Variants in SIAH2 observed in about 807,000 individuals in gnomAD.
The protein encoded by SIAH2 is siah E3 ubiquitin protein ligase 2.
In SIAH2, 4 loss-of-function variants were observed where a neutral mutation model predicts 20.4. That is an observed-to-expected ratio of 0.20 (90% CI 0.10 to 0.45). SIAH2 has a LOEUF of 0.45. Ranked by LOEUF, SIAH2 falls within the 20% of genes least tolerant of loss-of-function variation. SIAH2 has a pLI of 0.99. For missense variants in SIAH2, 259 were observed against 440.3 expected (o/e 0.59, Z 3.69); for synonymous variants, 171 against 192.5 (o/e 0.89, Z 0.93).
At position 150,762,405 on chromosome 3, in the gene SIAH2, G is replaced by C; in HGVS notation, c.417+28C>G. 1 of 1,592,140 alleles carries C rather than the reference G, an allele frequency of 6.3e-7. No homozygotes were observed. On this transcript the variant is annotated intron_variant, in intron 1 of 1. Coordinates refer to ENST00000312960, the MANE Select transcript of SIAH2 (RefSeq NM_005067.7). This position sits in a 1 kb window ranked among gnomAD's most constrained non-coding sequence, Gnocchi z 6.6. ...ACCGGAGTCCCTGAGGTCACCGGCG[G>C]AGGTACGTGGGCTGTCCCTGGGCTT...
In SIAH2 at chr3:150,762,959, C is replaced by A; in HGVS notation, c.-110G>T. On this transcript the variant is annotated 5_prime_UTR_variant, in exon 1 of 2. Transcript: ENST00000312960. The surrounding 1 kb of genome is among the most constrained non-coding windows in gnomAD (Gnocchi z 6.6). ...CGAGCTCCGAGGCAACGCCACGGCG[C>A]CCAGCCCAGGTCCGGGCGGCGGAGA... The A allele has an allele frequency of 6.4e-6, 7 of 1,094,588 alleles. No individual in the cohort carries two copies. Among genetic ancestry groups the A allele is most frequent in the Non-Finnish European group, 7.8e-6 (7 of 893,926 alleles). The allele number at this position is 1,094,588 out of a possible 1,614,324, so 67.8% of individuals were successfully genotyped here. A position where few individuals can be genotyped will look rare whatever the true frequency, so the allele number is the denominator to read the frequency against.
chr3:150,744,202 T>A (rs1327395520), intron 1 of SIAH2, among the ~76,000 whole-genome samples: 1 of 152,074 alleles, frequency 6.6e-6, no homozygotes, highest in Non-Finnish European at 1.5e-5. Context: ...ACTCAGAGGA[T>A]TCCGAAGCAA....
chr3:150,759,936 G>A (rs1464532314), intron 1 of SIAH2, among the ~76,000 whole-genome samples: 1 of 152,150 alleles, frequency 6.6e-6, no homozygotes, highest in East Asian at 1.9e-4. Flanking sequence ...TTTATTCAAC[G>A]TTGGTTTTTT....
chr3:150,759,712 C>A (rs1714562862), intron 1 of SIAH2, among the ~76,000 whole-genome samples: 1 of 150,954 alleles, frequency 6.6e-6, no homozygotes, highest in African/African-American at 2.4e-5. Context: ...AAAAGGCAAA[C>A]TAGTAAAAGC....
chr3:150,758,874 C>A (rs1714542735), intron 1 of SIAH2, among the ~76,000 whole-genome samples: 1 of 151,866 alleles, frequency 6.6e-6, no homozygotes, highest in East Asian at 1.9e-4. Flanking sequence ...TCCTGAGTAG[C>A]TGATATTACA....
intron 1 of SIAH2, among the ~76,000 whole-genome samples, chr3:150,759,395 C>A (rs1714556814): frequency 6.6e-6 from 1 of 152,134 alleles, no homozygotes. Context: ...ACATGCCCTA[C>A]AAAATTCCTG....
At chr3:150,744,388 T>C (rs1027296759) in intron 1 of SIAH2, among the ~76,000 whole-genome samples, 1 of 152,236 alleles carries the variant, frequency 6.6e-6, no homozygotes, top group Non-Finnish European at 1.5e-5. Flanking sequence ...ATAGGAATTG[T>C]TTGTTCATCT....
At position 150,742,171 on chromosome 3, in the gene SIAH2, G is replaced by T. The variant is rs757752747; in HGVS notation, c.945C>A (p.Ile315=). ...HLFADNGNLG[I]NVTISTCCP ...GACAACATGTAGAAATAGTAACATT[G>T]ATTCCAAGGTTCCCATTATCTGCAA... Residue 315 remains isoleucine (I), a synonymous_variant, in exon 2 of 2, where the codon ATC becomes ATA. Transcript: ENST00000312960. This position sits in a 1 kb window ranked among gnomAD's most constrained non-coding sequence, Gnocchi z 4.8. 1 of 1,613,336 alleles carries T rather than the reference G, an allele frequency of 6.2e-7. No homozygotes were observed. Among genetic ancestry groups the T allele is most frequent in the Admixed American group, 1.7e-5 (1 of 59,992 alleles).
At position 150,742,298 on chromosome 3, in the gene SIAH2, C is replaced by A; in HGVS notation, c.818G>T (p.Arg273Ile). 6.2e-7 allele frequency: 1 copy of A among 1,614,206 alleles called. No homozygotes were observed. The highest frequency in any genetic ancestry group is 1.6e-4 in the Middle Eastern group (1 of 6,062). The change falls in exon 2 of 2, where the codon AGA (arginine) becomes ATA (isoleucine). Residue 273 changes from arginine to isoleucine, a missense_variant. Arg to Ile is a moderately conservative substitution (Grantham distance 97). Around this residue, in one of 2 missense-constraint regions of SIAH2, gnomAD observed 160 missense variants for 327.6 expected, o/e 0.49. Coordinates refer to ENST00000312960, the MANE Select transcript of SIAH2 (RefSeq NM_005067.7). The surrounding 1 kb of genome is among the most constrained non-coding windows in gnomAD (Gnocchi z 4.8). ...ACGGGGCGTGGCCTCCCAGGTCAATCTCCGCCGGTTCCCATTCAACTCCAG... is the reference window on the plus strand; with the variant it reads ...ACGGGGCGTGGCCTCCCAGGTCAATATCCGCCGGTTCCCATTCAACTCCAG... ...YRLELNGNRRRLTWEATPRSI... is the reference protein window; with the variant it reads ...YRLELNGNRRILTWEATPRSI...
In SIAH2 at chr3:150,762,333, T is replaced by G; in HGVS notation, c.417+100A>C. ...ACATTTTTTCTTTTTTTTTTTTAAATGAGAGATGCCGCCCGCCTCTCCGGG... is the reference window on the plus strand; with the variant it reads ...ACATTTTTTCTTTTTTTTTTTTAAAGGAGAGATGCCGCCCGCCTCTCCGGG... On this transcript the variant is annotated intron_variant, in intron 1 of 1. Coordinates refer to ENST00000312960, the MANE Select transcript of SIAH2 (RefSeq NM_005067.7). This position sits in a 1 kb window ranked among gnomAD's most constrained non-coding sequence, Gnocchi z 6.6. 1 of 1,486,704 alleles carries G rather than the reference T, an allele frequency of 6.7e-7. No homozygotes were observed. The highest frequency in any genetic ancestry group is 8.9e-7 in the Non-Finnish European group (1 of 1,123,636). The allele number at this position is 1,486,704 out of a possible 1,614,324, so 92.1% of individuals were successfully genotyped here.
intron 1 of SIAH2, among the ~76,000 whole-genome samples, chr3:150,747,081 G>C (rs767065894): frequency 6.6e-6 from 1 of 152,224 alleles, no homozygotes; most frequent in African/African-American, 2.4e-5. Context: ...AGGAGTCAAA[G>C]AATCAATATT....
intron 1 of SIAH2, among the ~76,000 whole-genome samples, chr3:150,744,485 C>T (rs1714167498): frequency 6.6e-6 from 1 of 152,196 alleles, no homozygotes; most frequent in Admixed American, 6.5e-5. Flanking sequence ...TGTATTCATA[C>T]TTTGTGTTCC....
chr3:150,755,763 C>G (rs537961446), intron 1 of SIAH2, among the ~76,000 whole-genome samples: 1 of 152,000 alleles, frequency 6.6e-6, no homozygotes, highest in Admixed American at 6.6e-5. Context: ...GTGATCTGCC[C>G]GCCTCGGCCT....
At chr3:150,748,073 G>A (rs1312133500) in intron 1 of SIAH2, among the ~76,000 whole-genome samples, 1 of 151,590 alleles carries the variant, frequency 6.6e-6, no homozygotes, top group Non-Finnish European at 1.5e-5. Flanking sequence ...AACTTTTCAT[G>A]TTGCAGTGAC....
Position 150,762,322 on chromosome 3 carries a change from T to C in SIAH2, c.417+111A>G, listed in dbSNP as rs1483705589. The C allele has an allele frequency of 7.5e-5, 111 of 1,484,370 alleles. No individual in the cohort carries two copies. Among genetic ancestry groups the C allele is most frequent in the Non-Finnish European group, 9.6e-5 (108 of 1,124,370 alleles). 91.9% of individuals were successfully genotyped at this position (1,484,370 alleles called of 1,614,324 possible). A position where few individuals can be genotyped will look rare whatever the true frequency, so the allele number is the denominator to read the frequency against. ...ACGAAGTGTAAACATTTTTTCTTTT[T>C]TTTTTTTAAATGAGAGATGCCGCCC... On this transcript the variant is annotated intron_variant, in intron 1 of 1. Coordinates refer to ENST00000312960, the MANE Select transcript of SIAH2 (RefSeq NM_005067.7). The surrounding 1 kb of genome is among the most constrained non-coding windows in gnomAD (Gnocchi z 6.6).
At chr3:150,745,452 G>A (rs1191932741) in intron 1 of SIAH2, among the ~76,000 whole-genome samples, 1 of 151,914 alleles carries the variant, frequency 6.6e-6, no homozygotes, top group Non-Finnish European at 1.5e-5. Context: ...CTTCTGAGCA[G>A]CAAAGCCAAG....
Position 150,762,499 on chromosome 3 carries a change from G to A in SIAH2, c.351C>T (p.Ala117=). 1 of 1,613,646 alleles carries A rather than the reference G, an allele frequency of 6.2e-7. No individual in the cohort carries two copies. Among genetic ancestry groups the A allele is most frequent in the Non-Finnish European group, 8.5e-7 (1 of 1,179,912 alleles). The part of the protein sequence containing the change: ...KLSCCPTCRG[A]LTPSIRNLAM... Reference sequence around the variant, plus strand: ...CCAGGTTCCTGATGCTGGGCGTCAGGGCGCCCCTGCACGTCGGGCAGCAGC... The same window carrying A: ...CCAGGTTCCTGATGCTGGGCGTCAGAGCGCCCCTGCACGTCGGGCAGCAGC... The change falls in exon 1 of 2, where the codon GCC becomes GCT. Residue 117 remains alanine, a synonymous_variant. Transcript: ENST00000312960. The surrounding 1 kb of genome is among the most constrained non-coding windows in gnomAD (Gnocchi z 6.6).
At chr3:150,755,816 C>T (rs1714475709) in intron 1 of SIAH2, among the ~76,000 whole-genome samples, 1 of 152,018 alleles carries the variant, frequency 6.6e-6, no homozygotes, top group South Asian at 2.1e-4. Context: ...GTGCCTGGCA[C>T]AAATTTTGTA....
In SIAH2 at chr3:150,742,104, T is replaced by G; in HGVS notation, c.*37A>C. On this transcript the variant is annotated 3_prime_UTR_variant, in exon 2 of 2. Coordinates refer to ENST00000312960, the MANE Select transcript of SIAH2 (RefSeq NM_005067.7). This position sits in a 1 kb window ranked among gnomAD's most constrained non-coding sequence, Gnocchi z 4.8. ...AAAACCTTTATTAAACATAGAGCACTATGCCCAAATAATTTTGAAGGTTTA... is the reference window on the plus strand; with the variant it reads ...AAAACCTTTATTAAACATAGAGCACGATGCCCAAATAATTTTGAAGGTTTA... The G allele has an allele frequency of 6.4e-7, 1 of 1,562,074 alleles. No homozygotes were observed. Among genetic ancestry groups the G allele is most frequent in the South Asian group, 1.2e-5 (1 of 84,220 alleles).
Sources: allele counts gnomAD v4.1 joint callset (sites outside exome capture counted in the v4.1 genomes callset), GRCh38; gene constraint gnomAD v4.1.1; regional missense constraint gnomAD v4.1.1; non-coding constraint Gnocchi (gnomAD v3.1); transcripts MANE v1.5; gene names NCBI Gene and HGNC (gene_info 2026-07-23, HGNC 2026-07-21).